PC: variants seen among roughly 807,000 people sequenced by gnomAD.
PC encodes pyruvate carboxylase, mitochondrial.
A neutral mutation model predicts 107.8 loss-of-function variants in PC; 46 were observed. That is an observed-to-expected ratio of 0.43 (90% CI 0.34 to 0.55). PC has a LOEUF of 0.55. Ranked by LOEUF, PC falls within the 20% of genes least tolerant of loss-of-function variation. The pLI is 0.04. For synonymous variants in PC, 662 were observed against 684.7 expected (o/e 0.97, Z 0.52); for missense variants, 1,241 against 1,643.1 (o/e 0.76, Z 4.23).
intron 12 of PC, among the ~76,000 whole-genome samples, chr11:66,862,933 G>A (rs1946333908): frequency 2.0e-5 from 3 of 152,338 alleles, no homozygotes; most frequent in South Asian, 2.1e-4. Context: ...TGTGCACCAG[G>A]CCAGGTGAGG....
chr11:66,870,950 T>A lies in PC; in HGVS notation c.634-58A>T. ...AGACCCCACAGCGCTACCTCTCCCC[T>A]GCCATGAACCCCACCCACTTTCCAG... On this transcript the variant is annotated intron_variant, in intron 7 of 22. Transcript: ENST00000393960. The surrounding 1 kb of genome is among the most constrained non-coding windows in gnomAD (Gnocchi z 6.1). 1 of 1,604,712 alleles carries A rather than the reference T, an allele frequency of 6.2e-7. No individual in the cohort carries two copies. Among genetic ancestry groups the A allele is most frequent in the Non-Finnish European group, 8.5e-7 (1 of 1,174,408 alleles).
intron 3 of PC, among the ~76,000 whole-genome samples, chr11:66,946,071 C>T (rs571068684): frequency 3.9e-5 from 5 of 128,748 alleles, no homozygotes; most frequent in Admixed American, 9.6e-5. Context: ...CCGGCCTGGG[C>T]GACAGAGCGA....
At position 66,852,563 on chromosome 11, in the gene PC, G is replaced by A. The variant is rs376240725; in HGVS notation, c.1701C>T (p.Asp567=). 8.1e-5 allele frequency: 131 copies of A among 1,613,918 alleles called. No homozygotes were observed. Among genetic ancestry groups the A allele is most frequent in the Non-Finnish European group, 1.1e-4 (127 of 1,180,020 alleles). The stretch of plus-strand genomic sequence containing the variant: ...ACTGGTGGGCGTCCCTGAAGGTCGT[G>A]TCCATCAGCAGCAGCCCCGGGTGGT... ...VRNHPGLLLM[D]TTFRDAHQSL... Residue 567 remains aspartate (D), a synonymous_variant, in exon 15 of 23, where the codon GAC becomes GAT. Transcript: ENST00000393960. This position sits in a 1 kb window ranked among gnomAD's most constrained non-coding sequence, Gnocchi z 4.7.
chr11:66,881,755 G>C (rs1247061669), intron 3 of PC, among the ~76,000 whole-genome samples: 1 of 152,174 alleles, frequency 6.6e-6, no homozygotes, highest in Non-Finnish European at 1.5e-5. Flanking sequence ...TCACCTCCCT[G>C]TACAGGTAAG....
At chr11:66,914,120 T>C (rs1281015998) in intron 3 of PC, among the ~76,000 whole-genome samples, 3 of 152,182 alleles carry the variant, frequency 2.0e-5, no homozygotes, top group Admixed American at 2.0e-4. Context: ...TTTCTCTTTC[T>C]CCCTACTGGA....
intron 3 of PC, among the ~76,000 whole-genome samples, chr11:66,902,251 A>G (rs971330480): frequency 3.3e-5 from 5 of 152,156 alleles, no homozygotes; most frequent in African/African-American, 4.8e-5. Flanking sequence ...TTGGAGTTTG[A>G]GCACAAACAC....
chr11:66,852,414 G>C lies in PC; in HGVS notation c.1825+25C>G, dbSNP rs370572522. 1.7e-5 allele frequency: 27 copies of C among 1,594,060 alleles called. No homozygotes were observed. Among genetic ancestry groups the C allele is most frequent in the Non-Finnish European group, 2.3e-5 (27 of 1,162,146 alleles). On this transcript the variant is annotated intron_variant, in intron 15 of 22. Coordinates refer to ENST00000393960, the MANE Select transcript of PC (RefSeq NM_001040716.2). The surrounding 1 kb of genome is among the most constrained non-coding windows in gnomAD (Gnocchi z 4.7). ...ACAGAGCGGGCGCCCATTCCTACCA[G>C]GCGCTGCGCAGCATGCCAGCCTACC...
At chr11:66,853,482 T>C in intron 12 of PC, 99 bp from the exon 13 acceptor site, 1 of 1,423,908 alleles carries the variant, frequency 7.0e-7, no homozygotes, top group East Asian at 2.3e-5. Flanking sequence ...GATGCTGCCC[T>C]GGGCCAGCAC....
intron 3 of PC, among the ~76,000 whole-genome samples, chr11:66,943,469 T>C (rs1949198812): frequency 6.6e-6 from 1 of 151,934 alleles, no homozygotes; most frequent in Non-Finnish European, 1.5e-5. Flanking sequence ...CCGGGTGCGG[T>C]GGCTCACGCC....
intron 3 of PC, among the ~76,000 whole-genome samples, chr11:66,895,524 A>G (rs1947725389): frequency 6.6e-6 from 1 of 152,246 alleles, no homozygotes; most frequent in African/African-American, 2.4e-5. Flanking sequence ...TCTCACAGAA[A>G]TAAGAAACGA....
intron 3 of PC, among the ~76,000 whole-genome samples, chr11:66,875,190 C>G (rs1946926647): frequency 7.6e-6 from 1 of 130,874 alleles, no homozygotes; most frequent in African/African-American, 2.9e-5. Context: ...ATGTCTGGGG[C>G]AATTCAGAGG....
rs1591125381 is a variant in PC, at chr11:66,852,790, G to T, written c.1560C>A (p.Ala520=). ...NGPTTPIPVK[A]SPSPTDPVVP... Reference sequence around the variant, plus strand: ...CAACGGGGTCCGTGGGGCTGGGGCTGGCCTTGACGGGAATCGGGGTGGTTG... The same window carrying T: ...CAACGGGGTCCGTGGGGCTGGGGCTTGCCTTGACGGGAATCGGGGTGGTTG... Residue 520 remains alanine (A), a synonymous_variant, in exon 14 of 23, where the codon GCC becomes GCA. Transcript: ENST00000393960. The surrounding 1 kb of genome is among the most constrained non-coding windows in gnomAD (Gnocchi z 4.7). The T allele has an allele frequency of 1.3e-6, 2 of 1,596,540 alleles. No individual in the cohort carries two copies. Among genetic ancestry groups the T allele is most frequent in the Admixed American group, 1.7e-5 (1 of 58,730 alleles).
At chr11:66,915,451 C>A (rs1948442382) in intron 3 of PC, among the ~76,000 whole-genome samples, 1 of 152,222 alleles carries the variant, frequency 6.6e-6, no homozygotes, top group Non-Finnish European at 1.5e-5. Flanking sequence ...GGCCTTCTCC[C>A]TGCTGTGTCT....
In PC at chr11:66,878,312, G is replaced by A. The variant is rs950741360; in HGVS notation, c.1-6153C>T. On this transcript the variant is annotated intron_variant, in intron 3 of 22. Transcript: ENST00000393960. ...CCTGCGACCACAGGGGCACTTACCC[G>A]TGGTTTGTGGGTAAACAGGTCATTT... Among the ~76,000 whole-genome samples, 5 of 152,304 alleles carry A rather than the reference G, an allele frequency of 3.3e-5. No individual in the cohort carries two copies. In the South Asian group the frequency reaches 8.3e-4, roughly 25 times the overall value.
Position 66,870,798 on chromosome 11 carries a change from C to T in PC, c.728G>A (p.Arg243Gln), listed in dbSNP as rs535547651. The T allele has an allele frequency of 2.9e-5, 46 of 1,613,332 alleles. No individual in the cohort carries two copies. Among genetic ancestry groups the T allele is most frequent in the East Asian group, 1.3e-4 (6 of 44,862 alleles). ...LFVEKFIEKP[R>Q]HIEVQILGDQ... Reference sequence around the variant, plus strand: ...ACCCAAGATCTGCACCTCGATGTGCCGTGGCTTCTCGATGAACTTCTCCAC... The same window carrying T: ...ACCCAAGATCTGCACCTCGATGTGCTGTGGCTTCTCGATGAACTTCTCCAC... Residue 243 changes from arginine (R) to glutamine (Q), a missense_variant, in exon 8 of 23, where the codon CGG (arginine) becomes CAG (glutamine). This residue lies in a region of PC where 1,143 missense variants were observed against 1,551.9 expected (regional missense o/e 0.74). Transcript: ENST00000393960. This position sits in a 1 kb window ranked among gnomAD's most constrained non-coding sequence, Gnocchi z 6.1.
intron 3 of PC, among the ~76,000 whole-genome samples, chr11:66,937,153 G>C (rs1238606612): frequency 1.3e-5 from 2 of 152,100 alleles, no homozygotes; most frequent in African/African-American, 4.8e-5. Context: ...CTAAAGACAG[G>C]CCTTCCTACA....
chr11:66,942,122 G>A (rs937171475), intron 3 of PC, among the ~76,000 whole-genome samples: 8 of 146,422 alleles, frequency 5.5e-5, no homozygotes, highest in Non-Finnish European at 1.5e-5. Context: ...AAAAATGCTG[G>A]GCGCGGTGGC....
At position 66,858,563 on chromosome 11, in the gene PC, G is replaced by A. The variant is rs961419932; in HGVS notation, c.1369-5180C>T. The A allele has an allele frequency of 3.3e-6, 5 of 1,533,066 alleles. No homozygotes were observed. The highest frequency in any genetic ancestry group is 4.4e-6 in the Non-Finnish European group (5 of 1,144,406). The allele number at this position is 1,533,066 out of a possible 1,614,324, so 95.0% of individuals were successfully genotyped here. A position where few individuals can be genotyped will look rare whatever the true frequency, so the allele number is the denominator to read the frequency against. On this transcript the variant is annotated intron_variant, in intron 12 of 22. Transcript: ENST00000393960. This position sits in a 1 kb window ranked among gnomAD's most constrained non-coding sequence, Gnocchi z 5.9. ...GCCGCTACTTCTGGGCAGTGCCCGA[G>A]GGCGAGTTCTCCTGTGAGCCGCCCC...
At chr11:66,853,075 G>T (rs1565216453) in intron 13 of PC, 164 bp downstream of exon 13, 3 of 776,648 alleles carry the variant, frequency 3.9e-6, no homozygotes, top group Non-Finnish European at 6.2e-6. Flanking sequence ...AGCAGTGAAT[G>T]GCAGGGTGCA....
Sources: gnomAD v4.1 joint callset for allele counts (sites outside exome capture counted in the v4.1 genomes callset) on GRCh38, gnomAD v4.1.1 for gene constraint, gnomAD v4.1.1 regional missense constraint, Gnocchi (gnomAD v3.1) non-coding constraint, MANE v1.5 for transcripts, NCBI Gene and HGNC (gene_info 2026-07-23, HGNC 2026-07-21) for gene names.